ITGA1: variants seen among roughly 807,000 people sequenced by gnomAD.
ITGA1 encodes the protein integrin subunit alpha 1, also known as integrin alpha-1.
ITGA1 carries 85 observed loss-of-function variants against 145.9 expected under a neutral mutation model. The ratio of observed to expected loss-of-function variants is 0.58; its 90% confidence interval spans 0.49 to 0.70. The LOEUF (loss-of-function observed/expected upper bound fraction) is 0.70. Ranked by LOEUF, ITGA1 falls within the 30% of genes least tolerant of loss-of-function variation. ITGA1 has a pLI of 0.00. For synonymous variants in ITGA1, 520 were observed against 495.3 expected, an observed-to-expected ratio of 1.05 and a Z score of -0.66; for missense variants, 1,351 against 1,418.7, an observed-to-expected ratio of 0.95 and a Z score of 0.77.
At chr5:52,867,939 A>G (rs1383591765) in intron 6 of ITGA1, among the ~76,000 whole-genome samples, 2 of 151,826 alleles carry the variant, frequency 1.3e-5, no homozygotes, top group Non-Finnish European at 2.9e-5. Context: ...ATCCTTTTCT[A>G]TTTCATGAGG....
At chr5:52,868,250 T>A (rs1261271133) in intron 6 of ITGA1, among the ~76,000 whole-genome samples, 2 of 152,234 alleles carry the variant, frequency 1.3e-5, no homozygotes, top group South Asian at 2.1e-4. Flanking sequence ...CTCTTAAAAA[T>A]TAATTTATTT....
intron 14 of ITGA1, among the ~76,000 whole-genome samples, chr5:52,913,731 T>C (rs1208566959): frequency 1.3e-5 from 2 of 152,238 alleles, no homozygotes; most frequent in East Asian, 1.9e-4. Context: ...TTTCATTTTC[T>C]ATTTGAGTGT....
chr5:52,912,652 T>C (rs1259074480), intron 14 of ITGA1, among the ~76,000 whole-genome samples: 1 of 147,468 alleles, frequency 6.8e-6, no homozygotes, highest in Non-Finnish European at 1.5e-5. Flanking sequence ...CTAGATACAC[T>C]ATATATAGTG....
intron 6 of ITGA1, among the ~76,000 whole-genome samples, chr5:52,872,719 C>G (rs766634611): frequency 6.6e-6 from 1 of 151,922 alleles, no homozygotes; most frequent in African/African-American, 2.4e-5. Context: ...TGGGCCCTTG[C>G]CTTCCTTGTT....
chr5:52,925,542 C>G (rs997468932), intron 19 of ITGA1, 55 bp downstream of exon 19: 7 of 1,280,486 alleles, frequency 5.5e-6, no homozygotes, highest in African/African-American at 3.0e-5. Context: ...ACCTGGCCTA[C>G]TTTTCATGCT....
At chr5:52,863,127 C>G (rs749912291) in intron 3 of ITGA1, among the ~76,000 whole-genome samples, 6 of 152,202 alleles carry the variant, frequency 3.9e-5, no homozygotes, top group Admixed American at 2.0e-4. Context: ...TGTGAATAGT[C>G]TTAACTTTTT....
At chr5:52,944,624 T>C (rs1205273344) in intron 26 of ITGA1, among the ~76,000 whole-genome samples, 1 of 152,206 alleles carries the variant, frequency 6.6e-6, no homozygotes, top group Non-Finnish European at 1.5e-5. Flanking sequence ...CACCAGAATG[T>C]AGTTGTTTCA....
intron 1 of ITGA1, among the ~76,000 whole-genome samples, chr5:52,840,660 A>G (rs1749239825): frequency 6.6e-6 from 1 of 152,058 alleles, no homozygotes; most frequent in Non-Finnish European, 1.5e-5. Flanking sequence ...TAGATACTAC[A>G]AAGGAAAATA....
In ITGA1 at chr5:52,817,713, TGA is replaced by T. The variant is rs1748799083; in HGVS notation, c.61+29300_61+29301del. Among the ~76,000 whole-genome samples the T allele has an allele frequency of 1.3e-5, 2 of 152,252 alleles. 1 individual carries two copies. The highest frequency in any genetic ancestry group is 4.1e-4 in the South Asian group (2 of 4,830). ...AGAATGTTACCCTATTTCTTGCCTT[TGA>T]TTAGTTTAAGAATAGGAAACTAAGA... On this transcript the variant is annotated intron_variant, in intron 1 of 28. Coordinates refer to ENST00000282588, the MANE Select transcript of ITGA1 (RefSeq NM_181501.2).
chr5:52,893,792 C>T lies in ITGA1; in HGVS notation c.1042C>T (p.Leu348=), dbSNP rs763020985. The T allele has an allele frequency of 2.5e-6, 4 of 1,612,574 alleles. No homozygotes were observed. Among genetic ancestry groups the T allele is most frequent in the Non-Finnish European group, 3.4e-6 (4 of 1,178,964 alleles). ...HFFNVSDELA[L]VTIVKTLGER... ...CTTCAATGTCTCTGATGAATTGGCT[C>T]TAGTCACCATTGTTAAAACTCTGGG... The change falls in exon 9 of 29, where the codon CTA becomes TTA. Residue 348 remains leucine (L), a synonymous_variant. Transcript: ENST00000282588.
chr5:52,925,565 G>T, intron 19 of ITGA1, 78 bp downstream of exon 19: 1 of 1,038,032 alleles, frequency 9.6e-7, no homozygotes, highest in South Asian at 1.5e-5. Flanking sequence ...TGAGATAATT[G>T]CTTTTATTAG....
At chr5:52,907,109 G>A (rs1483403083) in intron 12 of ITGA1, among the ~76,000 whole-genome samples, 2 of 152,134 alleles carry the variant, frequency 1.3e-5, no homozygotes, top group Non-Finnish European at 2.9e-5. Flanking sequence ...CCCTGTCAGC[G>A]TTGCTTAGCC....
At chr5:52,885,837 A>G (rs1020389159) in intron 7 of ITGA1, among the ~76,000 whole-genome samples, 1 of 152,180 alleles carries the variant, frequency 6.6e-6, no homozygotes, top group African/African-American at 2.4e-5. Context: ...CTCTAGTTAG[A>G]AGTTAGTTGC....
At chr5:52,929,838 C>A in intron 21 of ITGA1, 137 bp downstream of exon 21, 1 of 489,810 alleles carries the variant, frequency 2.0e-6, no homozygotes, top group Non-Finnish European at 3.7e-6. Context: ...AGGCAATTAA[C>A]CACTTTGCTT....
At chr5:52,931,226 T>C (rs955930155) in intron 21 of ITGA1, 21 of 152,160 alleles carry the variant, frequency 1.4e-4, no homozygotes, top group African/African-American at 5.1e-4. Flanking sequence ...CTAGGCACAA[T>C]CTTAAGCACT....
In ITGA1 at chr5:52,865,681, T is replaced by G; in HGVS notation, c.497-9T>G. On this transcript the variant is annotated splice_polypyrimidine_tract_variant and intron_variant, in intron 5 of 28. Transcript: ENST00000282588. The stretch of plus-strand genomic sequence containing the variant: ...TTCCAAATTTGACAATTGACTCCTT[T>G]TATTGCAGAATGCAGCACTCAACTG... 1 of 1,519,872 alleles carries G rather than the reference T, an allele frequency of 6.6e-7. No individual in the cohort carries two copies. The highest frequency in any genetic ancestry group is 8.8e-7 in the Non-Finnish European group (1 of 1,141,194). The allele number at this position is 1,519,872 out of a possible 1,614,324, so 94.1% of individuals were successfully genotyped here. A position where few individuals can be genotyped will look rare whatever the true frequency, so the allele number is the denominator to read the frequency against.
At chr5:52,911,361 G>T (rs953623352) in intron 14 of ITGA1, among the ~76,000 whole-genome samples, 1 of 132,748 alleles carries the variant, frequency 7.5e-6, no homozygotes, top group Non-Finnish European at 1.5e-5. Flanking sequence ...TGTATATATA[G>T]TGTATATAGT....
intron 1 of ITGA1, among the ~76,000 whole-genome samples, chr5:52,808,915 T>G (rs1487160149): frequency 6.6e-6 from 1 of 152,076 alleles, no homozygotes; most frequent in Non-Finnish European, 1.5e-5. Flanking sequence ...TATATCTGAT[T>G]CCAATGTCAC....
At position 52,826,125 on chromosome 5, in the gene ITGA1, A is replaced by C. The variant is rs115670214; in HGVS notation, c.62-23240A>C. On this transcript the variant is annotated intron_variant, in intron 1 of 28. Transcript: ENST00000282588. ...AGCTGAGTCATGAATGTAAAGGAGA[A>C]GTTCTTGAAGAAAATTAAGTGCTAC... Among the ~76,000 whole-genome samples, 1,012 of 152,284 alleles carry C rather than the reference A, an allele frequency of 6.6e-3. 12 individuals carry two copies. The highest frequency in any genetic ancestry group is 0.023 in the African/African-American group (960 of 41,572).
Sources: allele counts gnomAD v4.1 joint callset (sites outside exome capture counted in the v4.1 genomes callset), GRCh38; gene constraint gnomAD v4.1.1; transcripts MANE v1.5; gene names NCBI Gene and HGNC (gene_info 2026-07-23, HGNC 2026-07-21).